Variants in KIF6 observed in about 807,000 individuals in gnomAD.
The protein encoded by KIF6 is kinesin-like protein KIF6.
In KIF6, 106 loss-of-function variants were observed where a neutral mutation model predicts 112.7. The observed-to-expected ratio is 0.94, with a 90% CI of 0.80 to 1.11. The LOEUF (loss-of-function observed/expected upper bound fraction) is 1.11, where lower values mean the gene tolerates loss of function less well. KIF6 is among the 50% of genes least tolerant of loss of function. The pLI is 0.00. For missense variants in KIF6, 929 were observed against 964.0 expected, an observed-to-expected ratio of 0.96 and a Z score of 0.48; for synonymous variants, 339 against 339.9, an observed-to-expected ratio of 1.00 and a Z score of 0.03.
chr6:39,592,545 G>A (rs76808177), intron 7 of KIF6, among the ~76,000 whole-genome samples: 14,112 of 152,232 alleles, frequency 0.093, 689 homozygotes, highest in Middle Eastern at 0.14. Context: ...TACAGAGCAA[G>A]CACTTCATTT....
At chr6:39,567,256 C>T (rs1400051280) in intron 10 of KIF6, among the ~76,000 whole-genome samples, 1 of 152,160 alleles carries the variant, frequency 6.6e-6, no homozygotes, top group Non-Finnish European at 1.5e-5. Context: ...TCGTAAGAGC[C>T]TTGTGATGTG....
At chr6:39,486,587 TG>T (rs1284627649) in intron 13 of KIF6, among the ~76,000 whole-genome samples, 5 of 152,264 alleles carry the variant, frequency 3.3e-5, no homozygotes, top group Non-Finnish European at 5.9e-5. Flanking sequence ...CTGTGTTAAT[TG>T]GAACAGTGTT....
Position 39,417,689 on chromosome 6 carries a change from C to T in KIF6, c.1810+2259G>A, listed in dbSNP as rs116640497. On this transcript the variant is annotated intron_variant, in intron 15 of 22. Transcript: ENST00000287152. Reference sequence around the variant, plus strand: ...GGCAAACTTGCTCCACCAACATACACGATTGCACCACAGTTATGGGGAATT... The same window carrying T: ...GGCAAACTTGCTCCACCAACATACATGATTGCACCACAGTTATGGGGAATT... 2.2e-3 allele frequency among the ~76,000 whole-genome samples: 329 copies of T among 152,226 alleles called. 1 individual carries two copies. The highest frequency in any genetic ancestry group is 7.4e-3 in the African/African-American group (309 of 41,542).
chr6:39,689,297 G>A (rs1788043742), intron 3 of KIF6, among the ~76,000 whole-genome samples: 1 of 152,114 alleles, frequency 6.6e-6, no homozygotes, highest in African/African-American at 2.4e-5. Flanking sequence ...GGAGTTTCAG[G>A]CAAGCCTGGG....
chr6:39,349,464 G>A (rs1764047509), intron 19 of KIF6, among the ~76,000 whole-genome samples: 1 of 151,996 alleles, frequency 6.6e-6, no homozygotes, highest in Non-Finnish European at 1.5e-5. Context: ...GGAGAAGGGG[G>A]ATGTAAGGCA....
chr6:39,579,136 T>G lies in KIF6; in HGVS notation c.1078-977A>C, dbSNP rs187302813. Among the ~76,000 whole-genome samples, 205 of 152,314 alleles carry G rather than the reference T, an allele frequency of 1.3e-3. 1 individual carries two copies. Among genetic ancestry groups the G allele is most frequent in the African/African-American group, 4.7e-3 (196 of 41,564 alleles). On this transcript the variant is annotated intron_variant, in intron 9 of 22. Coordinates refer to ENST00000287152, the MANE Select transcript of KIF6 (RefSeq NM_145027.6). ...TTCCTGGCTGGAGAGTATGTGCATC[T>G]TGCCTTTATTATATATTGTTAAATT... is the stretch of plus-strand genomic sequence containing the variant.
intron 18 of KIF6, among the ~76,000 whole-genome samples, chr6:39,360,162 C>T (rs1487651782): frequency 6.6e-6 from 1 of 152,166 alleles, no homozygotes; most frequent in African/African-American, 2.4e-5. Context: ...GGAGCTGCAT[C>T]TTTTATCCCT....
intron 19 of KIF6, among the ~76,000 whole-genome samples, chr6:39,349,367 G>C (rs548220000): frequency 6.6e-6 from 1 of 152,068 alleles, no homozygotes; most frequent in Non-Finnish European, 1.5e-5. Flanking sequence ...GGCTGGCAGC[G>C]GCATGATCAA....
In KIF6 at chr6:39,360,484, C is replaced by G. The variant is rs557087227; in HGVS notation, c.1993G>C (p.Glu665Gln). The change falls in exon 18 of 23, where the codon GAG becomes CAG. Residue 665 changes from glutamate (E) to glutamine (Q), a missense_variant. By Grantham distance (29) the Glu-to-Gln change is conservative. Around this residue, in one of 2 missense-constraint regions of KIF6, gnomAD observed 241 missense variants for 301.4 expected, o/e 0.80. Transcript: ENST00000287152. ...TRLKALKVEIEHLQLLMDKAK... is the reference protein window; with the variant it reads ...TRLKALKVEIQHLQLLMDKAK... ...TTGTCCATGAGCAGCTGCAAGTGCT[C>G]GATCTCCACCTTCAGGGCTTTCAGG... The G allele has an allele frequency of 2.5e-6, 4 of 1,612,900 alleles. No homozygotes were observed. The highest frequency in any genetic ancestry group is 3.4e-6 in the Non-Finnish European group (4 of 1,179,610).
chr6:39,528,043 C>T (rs1029527785), intron 13 of KIF6, among the ~76,000 whole-genome samples: 1 of 152,100 alleles, frequency 6.6e-6, no homozygotes, highest in South Asian at 2.1e-4. Flanking sequence ...TTATGCAGTA[C>T]AATATATCTC....
At chr6:39,549,240 C>G (rs999920733) in intron 10 of KIF6, among the ~76,000 whole-genome samples, 1 of 151,728 alleles carries the variant, frequency 6.6e-6, no homozygotes, top group African/African-American at 2.4e-5. Flanking sequence ...AAAAAAAAAG[C>G]TCTCTCTGTA....
intron 13 of KIF6, among the ~76,000 whole-genome samples, chr6:39,465,338 C>T (rs993428354): frequency 1.3e-4 from 20 of 152,152 alleles, no homozygotes; most frequent in Admixed American, 1.3e-4. Context: ...AAAGTAATGA[C>T]GTTATTATCA....
In KIF6 at chr6:39,586,241, A is replaced by G. The variant is rs757602326; in HGVS notation, c.990+20T>C. 40 of 1,613,366 alleles carry G rather than the reference A, an allele frequency of 2.5e-5. No homozygotes were observed. In the Middle Eastern group the frequency reaches 9.9e-4, roughly 40 times the overall value. On this transcript the variant is annotated intron_variant, in intron 8 of 22. Transcript: ENST00000287152. ...AGTAAAAACCTAGATTAAGATCTCC[A>G]GAAAGAAGAGCCCACATACATCAAG... is the stretch of plus-strand genomic sequence containing the variant.
chr6:39,342,544 T>A lies in KIF6; in HGVS notation c.2428+1165A>T, dbSNP rs1415454401. 1.3e-5 allele frequency among the ~76,000 whole-genome samples: 2 copies of A among 151,554 alleles called. No individual in the cohort carries two copies. Among genetic ancestry groups the A allele is most frequent in the Non-Finnish European group, 2.9e-5 (2 of 67,994 alleles). On this transcript the variant is annotated intron_variant, in intron 22 of 22. Transcript: ENST00000287152. The surrounding 1 kb of genome is among the most constrained non-coding windows in gnomAD (Gnocchi z 4.7). ...ATTGCTGTTCAGTGCCTGATACCTATCATCAGAGTATTTGGGGCATAGATG... is the reference window on the plus strand; with the variant it reads ...ATTGCTGTTCAGTGCCTGATACCTAACATCAGAGTATTTGGGGCATAGATG...
At chr6:39,390,570 G>A (rs1441874544) in intron 15 of KIF6, among the ~76,000 whole-genome samples, 1 of 152,152 alleles carries the variant, frequency 6.6e-6, no homozygotes, top group African/African-American at 2.4e-5. Flanking sequence ...GACTAGGGCT[G>A]GGGAAGACTA....
intron 15 of KIF6, among the ~76,000 whole-genome samples, chr6:39,392,916 C>T (rs1349986033): frequency 6.6e-6 from 1 of 152,084 alleles, no homozygotes; most frequent in Non-Finnish European, 1.5e-5. Flanking sequence ...AAATATAAGC[C>T]CTTGGGTTGA....
intron 22 of KIF6, among the ~76,000 whole-genome samples, chr6:39,337,139 C>T (rs1762981086): frequency 7.0e-5 from 9 of 128,638 alleles, no homozygotes; most frequent in Admixed American, 6.9e-4. Context: ...CTCCTTCCTT[C>T]CTTCCTTTCT....
intron 13 of KIF6, among the ~76,000 whole-genome samples, chr6:39,458,298 A>G (rs1467321410): frequency 6.6e-6 from 1 of 150,972 alleles, no homozygotes; most frequent in Non-Finnish European, 1.5e-5. Flanking sequence ...AGATGCAGAA[A>G]AAGCCTTTGA....
intron 10 of KIF6, among the ~76,000 whole-genome samples, chr6:39,576,695 G>T (rs891717722): frequency 6.6e-6 from 1 of 152,110 alleles, no homozygotes. Flanking sequence ...CTGCTCTTAG[G>T]TTCTGGTATC....
Sources: gnomAD v4.1 joint callset for allele counts (sites outside exome capture counted in the v4.1 genomes callset) on GRCh38, gnomAD v4.1.1 for gene constraint, gnomAD v4.1.1 regional missense constraint, Gnocchi (gnomAD v3.1) non-coding constraint, MANE v1.5 for transcripts, NCBI Gene and HGNC (gene_info 2026-07-23, HGNC 2026-07-21) for gene names.